Variants in KALRN observed in about 807,000 individuals in gnomAD.
The protein encoded by KALRN is kalirin RhoGEF kinase.
A neutral mutation model predicts 353.7 loss-of-function variants in KALRN; 70 were observed. The observed-to-expected ratio is 0.20, with a 90% confidence interval of 0.16 to 0.24. KALRN has a LOEUF of 0.24. Ranked by LOEUF, KALRN falls within the 10% of genes least tolerant of loss-of-function variation. The pLI, the probability that KALRN is intolerant of heterozygous loss-of-function variation, is 1.00. For missense variants in KALRN, 2,791 were observed against 3,756.7 expected, an observed-to-expected ratio of 0.74 and a Z score of 6.72; for synonymous variants, 1,391 against 1,434.8, an observed-to-expected ratio of 0.97 and a Z score of 0.69.
chr3:124,709,302 G>A (rs2062783071), intron 57 of KALRN, among the ~76,000 whole-genome samples: 1 of 152,140 alleles, frequency 6.6e-6, no homozygotes, highest in Non-Finnish European at 1.5e-5. Flanking sequence ...TATTTAGACA[G>A]AGTCTTGCTC....
chr3:124,140,796 G>GGT, intron 1 of KALRN, among the ~76,000 whole-genome samples: 1 of 151,856 alleles, frequency 6.6e-6, no homozygotes, highest in Admixed American at 6.5e-5. Context: ...TGCCCTCCCG[G>GGT]GGGGGGCACA....
chr3:124,474,589 G>C, intron 25 of KALRN, 74 bp from the exon 26 acceptor site: 2 of 1,131,226 alleles, frequency 1.8e-6, no homozygotes, highest in Non-Finnish European at 2.7e-6. Context: ...TTATGGTTGT[G>C]CTGGCCTCAG....
chr3:124,631,310 C>T (rs1438336896), intron 34 of KALRN, among the ~76,000 whole-genome samples: 1 of 152,172 alleles, frequency 6.6e-6, no homozygotes, highest in Non-Finnish European at 1.5e-5. Flanking sequence ...AGCTCACCAG[C>T]ACTTTCTCCC....
chr3:124,292,691 A>T (rs72976525), intron 5 of KALRN, among the ~76,000 whole-genome samples: 12,959 of 152,150 alleles, frequency 0.085, 607 homozygotes, highest in Middle Eastern at 0.13. Context: ...GTGTTTGCAT[A>T]TGAGCTGCAG....
intron 1 of KALRN, among the ~76,000 whole-genome samples, chr3:124,184,804 T>G (rs1387247674): frequency 4.6e-5 from 7 of 152,180 alleles, no homozygotes; most frequent in Non-Finnish European, 1.0e-4. Context: ...GGGCACCCAA[T>G]AAATGATTGT....
At chr3:124,311,064 CTTTTT>C (rs71145446) in intron 6 of KALRN, among the ~76,000 whole-genome samples, 7 of 67,498 alleles carry the variant, frequency 1.0e-4, no homozygotes, top group Non-Finnish European at 1.8e-4. Context: ...GATACTACTT[CTTTTT>C]TTTTTTTTTT....
At chr3:124,072,812 T>G (rs1419495699) in intron 1 of KALRN, among the ~76,000 whole-genome samples, 1 of 152,292 alleles carries the variant, frequency 6.6e-6, no homozygotes, top group African/African-American at 2.4e-5. Flanking sequence ...TAGAGAAAGA[T>G]TGTGTAGAAG....
At chr3:124,065,875 T>C (rs2042314430) in intron 1 of KALRN, among the ~76,000 whole-genome samples, 1 of 152,178 alleles carries the variant, frequency 6.6e-6, no homozygotes, top group Admixed American at 6.5e-5. Flanking sequence ...AGAAACCATC[T>C]CAGGAAGTTG....
At chr3:124,419,563 G>A (rs2092684246) in intron 14 of KALRN, among the ~76,000 whole-genome samples, 1 of 152,078 alleles carries the variant, frequency 6.6e-6, no homozygotes, top group Admixed American at 6.6e-5. Flanking sequence ...TCATTGATTA[G>A]GTATTTATTG....
chr3:124,619,126 CTTTTT>C (rs11455473), intron 34 of KALRN, among the ~76,000 whole-genome samples: 21 of 146,784 alleles, frequency 1.4e-4, no homozygotes, highest in African/African-American at 3.7e-4. Flanking sequence ...GTATATTTGA[CTTTTT>C]TTTTTTTTTT....
chr3:124,386,133 G>A (rs114716394), intron 11 of KALRN, among the ~76,000 whole-genome samples: 2,073 of 152,240 alleles, frequency 0.014, 19 homozygotes, highest in Non-Finnish European at 0.021. Flanking sequence ...GATTCCCCAG[G>A]CAGATGAAGG....
chr3:124,080,748 A>T (rs2149315921), intron 1 of KALRN, among the ~76,000 whole-genome samples: 1 of 150,682 alleles, frequency 6.6e-6, no homozygotes, highest in East Asian at 2.0e-4. Context: ...TAGATCTCAG[A>T]CATGAAATTT....
At chr3:124,303,826 G>A (rs535075707) in intron 6 of KALRN, among the ~76,000 whole-genome samples, 2 of 152,226 alleles carry the variant, frequency 1.3e-5, no homozygotes, top group Non-Finnish European at 2.9e-5. Context: ...ATTGCCACTT[G>A]ATGGTGTGCA....
chr3:124,166,290 T>C (rs923676634), intron 1 of KALRN, among the ~76,000 whole-genome samples: 5 of 152,154 alleles, frequency 3.3e-5, no homozygotes, highest in Admixed American at 3.3e-4. Flanking sequence ...CTTTGTTTAG[T>C]GGGGGCTTAA....
At chr3:124,067,974 T>TA (rs1279815142) in intron 1 of KALRN, among the ~76,000 whole-genome samples, 11 of 152,346 alleles carry the variant, frequency 7.2e-5, no homozygotes, top group African/African-American at 2.4e-4. Flanking sequence ...CCCTACGCCA[T>TA]AGCTCAGCTG....
chr3:124,292,536 C>T (rs545231004), intron 5 of KALRN, among the ~76,000 whole-genome samples: 1 of 152,230 alleles, frequency 6.6e-6, no homozygotes, highest in South Asian at 2.1e-4. Context: ...CCAGTGCCCT[C>T]AGGCAGAGCC....
intron 39 of KALRN, among the ~76,000 whole-genome samples, chr3:124,656,528 G>A (rs1223320383): frequency 3.9e-5 from 6 of 152,138 alleles, no homozygotes; most frequent in Admixed American, 3.3e-4. Flanking sequence ...GGAGAATGGC[G>A]TGAACCTGGG....
At chr3:124,706,904 G>A (rs1349225515) in intron 57 of KALRN, among the ~76,000 whole-genome samples, 1 of 151,970 alleles carries the variant, frequency 6.6e-6, no homozygotes, top group Non-Finnish European at 1.5e-5. Context: ...CTTTCAAAAT[G>A]AGCCAACTCC....
In KALRN at chr3:124,086,307, T is replaced by TG. The variant is rs2060814295; in HGVS notation, c.73+52495dup. On this transcript the variant is annotated intron_variant, in intron 1 of 59. Coordinates refer to ENST00000682506, the MANE Select transcript of KALRN (RefSeq NM_001388419.1). ...TAGTCTCCTACTAGGTTGGTTGTTT[T>TG]GTTGTGTGTGTGTGTGTGTGTGTGT... Among the ~76,000 whole-genome samples the TG allele has an allele frequency of 2.4e-4, 28 of 117,550 alleles. 1 individual carries two copies. The South Asian group carries it at 6.7e-3, about 28-fold the overall frequency. The allele number at this position is 117,550 out of a possible 152,430, so 77.1% of individuals were successfully genotyped here. A position where few individuals can be genotyped will look rare whatever the true frequency, so the allele number is the denominator to read the frequency against.
Sources: gnomAD v4.1 joint callset for allele counts (sites outside exome capture counted in the v4.1 genomes callset) on GRCh38, gnomAD v4.1.1 for gene constraint, MANE v1.5 for transcripts, NCBI Gene and HGNC (gene_info 2026-07-23, HGNC 2026-07-21) for gene names.